LYSMD2: variants seen among roughly 807,000 people sequenced by gnomAD.
LYSMD2 encodes lysM and putative peptidoglycan-binding domain-containing protein 2.
Under a neutral mutation model 17.7 loss-of-function variants are expected in LYSMD2, and 6 were observed. The observed-to-expected ratio is 0.34, with a 90% CI of 0.19 to 0.67. The LOEUF (loss-of-function observed/expected upper bound fraction) is 0.67. Ranked by LOEUF, LYSMD2 falls within the 30% of genes least tolerant of loss-of-function variation. The pLI, the probability that LYSMD2 is intolerant of heterozygous loss-of-function variation, is 0.69. For synonymous variants in LYSMD2, 102 were observed against 129.8 expected (o/e 0.79, Z 1.45); for missense variants, 237 against 286.7 (o/e 0.83, Z 1.25).
At chr15:51,731,977 A>G (rs1487473021) in intron 1 of LYSMD2, among the ~76,000 whole-genome samples, 1 of 152,236 alleles carries the variant, frequency 6.6e-6, no homozygotes, top group African/African-American at 2.4e-5. Flanking sequence ...CGGTTACTCA[A>G]CCCACCCCAA....
At chr15:51,741,873 T>C (rs1239996114), upstream of LYSMD2, among the ~76,000 whole-genome samples, 1 of 151,702 alleles carries the variant, frequency 6.6e-6, no homozygotes, top group Non-Finnish European at 1.5e-5. Context: ...TGACCCGAGA[T>C]AGCAACACTG....
intron 1 of LYSMD2, among the ~76,000 whole-genome samples, chr15:51,736,955 C>G (rs565501750): frequency 2.6e-5 from 4 of 152,328 alleles, no homozygotes; most frequent in East Asian, 1.9e-4. Flanking sequence ...TTGGGCTTTG[C>G]GTAAATATAG....
intron 1 of LYSMD2, among the ~76,000 whole-genome samples, chr15:51,744,183 T>A (rs1321468712): frequency 6.6e-6 from 1 of 152,164 alleles, no homozygotes; most frequent in Non-Finnish European, 1.5e-5. Flanking sequence ...CAATGTTGAA[T>A]AGAGGGTGGC....
intron 1 of LYSMD2, among the ~76,000 whole-genome samples, chr15:51,725,933 CA>C (rs2055537489): frequency 6.6e-6 from 1 of 152,146 alleles, no homozygotes; most frequent in Non-Finnish European, 1.5e-5. Flanking sequence ...GTCCGTACAA[CA>C]TCTGAATTAA....
chr15:51,733,802 A>G (rs2055591762), intron 1 of LYSMD2, among the ~76,000 whole-genome samples: 1 of 152,134 alleles, frequency 6.6e-6, no homozygotes, highest in South Asian at 2.1e-4. Flanking sequence ...GTATCCAGCT[A>G]TTAGAGAAAG....
At chr15:51,737,684 C>T, upstream of LYSMD2, 1 of 1,070,112 alleles carries the variant, frequency 9.3e-7, no homozygotes, top group Non-Finnish European at 1.2e-6. This position sits in a 1 kb window ranked among gnomAD's most constrained non-coding sequence, Gnocchi z 4.2. Context: ...CCTCCTCCTC[C>T]GCCGCCGCCG....
rs61106396 is a variant in LYSMD2 at position 51,728,396 on chromosome 15, AACACAC to A, written c.274-3281_274-3276del. On this transcript the variant is annotated intron_variant, in intron 1 of 2. Coordinates refer to ENST00000267838, the MANE Select transcript of LYSMD2 (RefSeq NM_153374.3). ...ATCACAACATTGTACTCCAGGAGAA[AACACAC>A]ACACACACACACACACACACACACA... 3.8e-3 allele frequency among the ~76,000 whole-genome samples: 545 copies of A among 144,884 alleles called. 2 individuals are homozygous for A. The highest frequency in any genetic ancestry group is 0.024 in the Middle Eastern group (7 of 292).
At chr15:51,748,606 CAGA>C (rs1347868808) in intron 1 of LYSMD2, among the ~76,000 whole-genome samples, 1 of 152,150 alleles carries the variant, frequency 6.6e-6, no homozygotes, top group Non-Finnish European at 1.5e-5. Context: ...ACAAGAAATC[CAGA>C]AGAAGGGCAG....
At chr15:51,728,434 T>C (rs62015069) in intron 1 of LYSMD2, among the ~76,000 whole-genome samples, 87 of 137,788 alleles carry the variant, frequency 6.3e-4, no homozygotes, top group Admixed American at 9.5e-4. Context: ...CACACACACA[T>C]ATGGCACACA....
At chr15:51,724,444 T>A (rs1052121381) in intron 2 of LYSMD2, among the ~76,000 whole-genome samples, 1 of 152,130 alleles carries the variant, frequency 6.6e-6, no homozygotes. Flanking sequence ...AGCTGGACAG[T>A]GACGCTATTA....
chr15:51,725,235 T>G, intron 1 of LYSMD2, 114 bp from the exon 2 acceptor site: 1 of 652,522 alleles, frequency 1.5e-6, no homozygotes, highest in South Asian at 2.5e-5. Context: ...AATGCTTTCT[T>G]GGGATTTGAG....
chr15:51,733,248 T>C (rs920041498), intron 1 of LYSMD2, among the ~76,000 whole-genome samples: 1 of 151,352 alleles, frequency 6.6e-6, no homozygotes, highest in Non-Finnish European at 1.5e-5. Context: ...CATTTTAAAT[T>C]CCAGCCATCT....
chr15:51,737,688 G>A, upstream of LYSMD2: 3 of 1,100,038 alleles, frequency 2.7e-6, no homozygotes, highest in Non-Finnish European at 2.3e-6. The surrounding 1 kb of genome is among the most constrained non-coding windows in gnomAD (Gnocchi z 4.2). Flanking sequence ...CTCCTCCGCC[G>A]CCGCCGCCGC....
At chr15:51,751,085 T>C (rs1401598636) in intron 1 of LYSMD2, among the ~76,000 whole-genome samples, 1 of 152,202 alleles carries the variant, frequency 6.6e-6, no homozygotes, top group Non-Finnish European at 1.5e-5. Context: ...CAGGCTAAGT[T>C]GTCCGGTCTC....
chr15:51,725,214 A>G, intron 1 of LYSMD2, 93 bp from the exon 2 acceptor site: 1 of 753,892 alleles, frequency 1.3e-6, no homozygotes, highest in Non-Finnish European at 2.1e-6. Flanking sequence ...ATTCATAAGC[A>G]AAATGTACAC....
Position 51,737,182 on chromosome 15 carries a change from G to A in LYSMD2, c.273+168C>T, listed in dbSNP as rs1306683133. Among the ~76,000 whole-genome samples, 2 of 152,268 alleles carry A rather than the reference G, an allele frequency of 1.3e-5. No homozygotes were observed. The highest frequency in any genetic ancestry group is 3.9e-4 in the East Asian group (2 of 5,154). On this transcript the variant is annotated intron_variant, in intron 1 of 2. Coordinates refer to ENST00000267838, the MANE Select transcript of LYSMD2 (RefSeq NM_153374.3). This position sits in a 1 kb window ranked among gnomAD's most constrained non-coding sequence, Gnocchi z 4.2. Reference sequence around the variant, plus strand: ...ACTGCGGTGGCCAGCAGCGCGCGCTGAGCGAGCCCTGGGAGCCGAGCCGCC... The same window carrying A: ...ACTGCGGTGGCCAGCAGCGCGCGCTAAGCGAGCCCTGGGAGCCGAGCCGCC...
upstream of LYSMD2, among the ~76,000 whole-genome samples, chr15:51,739,188 T>C (rs1392328873): frequency 6.6e-6 from 1 of 152,250 alleles, no homozygotes; most frequent in African/African-American, 2.4e-5. Context: ...TTAATACCTC[T>C]GGTTTAGTAT....
At position 51,737,262 on chromosome 15, in the gene LYSMD2, T is replaced by TGCCCCCCCC; in HGVS notation, c.273+87_273+88insGGGGGGGGC. On this transcript the variant is annotated intron_variant, in intron 1 of 2. Transcript: ENST00000267838. The surrounding 1 kb of genome is among the most constrained non-coding windows in gnomAD (Gnocchi z 4.2). ...CCATCCCCCAAACCCCCACCCGCAG[T>TGCCCCCCCC]CCCACCCCCACCCCCACCGCACCCC... 1.5e-5 allele frequency: 2 copies of TGCCCCCCCC among 134,038 alleles called. No individual in the cohort carries two copies. Among genetic ancestry groups the TGCCCCCCCC allele is most frequent in the East Asian group, 1.9e-4 (1 of 5,308 alleles). 8.3% of individuals were successfully genotyped at this position (134,038 alleles called of 1,614,324 possible). A position where few individuals can be genotyped will look rare whatever the true frequency, so the allele number is the denominator to read the frequency against.
chr15:51,743,677 G>T (rs2055653746), intron 1 of LYSMD2, among the ~76,000 whole-genome samples: 1 of 152,212 alleles, frequency 6.6e-6, no homozygotes, highest in Non-Finnish European at 1.5e-5. Flanking sequence ...TTTTGACTGG[G>T]ATTGCATTGA....
Sources: allele counts gnomAD v4.1 joint callset (sites outside exome capture counted in the v4.1 genomes callset), GRCh38; gene constraint gnomAD v4.1.1; non-coding constraint Gnocchi (gnomAD v3.1); transcripts MANE v1.5; gene names NCBI Gene and HGNC (gene_info 2026-07-23, HGNC 2026-07-21).